TMEM132C: variants seen among roughly 807,000 people sequenced by gnomAD.
TMEM132C encodes protein phosphatase 1, regulatory subunit 152.
Under a neutral mutation model 61.4 loss-of-function variants are expected in TMEM132C, and 29 were observed. The ratio of observed to expected loss-of-function variants is 0.47; its 90% confidence interval spans 0.35 to 0.64. TMEM132C has a LOEUF of 0.64. Among genes scored for constraint, TMEM132C ranks in the 30% least tolerant of loss-of-function variants. The probability of loss-of-function intolerance (pLI) is 0.00; values close to 1 mark genes in which losing one functional copy is unlikely to be tolerated. For synonymous variants in TMEM132C, 656 were observed against 633.1 expected (o/e 1.04, Z -0.54); for missense variants, 1,408 against 1,476.9 (o/e 0.95, Z 0.76).
At chr12:128,396,859 A>G (rs1412215612) in intron 1 of TMEM132C, among the ~76,000 whole-genome samples, 1 of 152,110 alleles carries the variant, frequency 6.6e-6, no homozygotes, top group Non-Finnish European at 1.5e-5. Flanking sequence ...TCTTCACTGC[A>G]TTCTCTCCTG....
At chr12:128,346,568 T>C (rs1187386757) in intron 1 of TMEM132C, among the ~76,000 whole-genome samples, 2 of 152,254 alleles carry the variant, frequency 1.3e-5, no homozygotes, top group Non-Finnish European at 2.9e-5. Flanking sequence ...GTGTCATCTC[T>C]AATTTTTTTG....
At chr12:128,420,004 C>A (rs1292962866) in intron 2 of TMEM132C, among the ~76,000 whole-genome samples, 1 of 151,934 alleles carries the variant, frequency 6.6e-6, no homozygotes, top group Non-Finnish European at 1.5e-5. Flanking sequence ...ACCAGCCTAG[C>A]CAACGTGGTG....
chr12:128,288,752 G>A (rs1871156313), intron 1 of TMEM132C: 1 of 152,232 alleles, frequency 6.6e-6, no homozygotes, highest in African/African-American at 2.4e-5. Context: ...TCTGGCACAT[G>A]CTGTTGTACC....
At chr12:128,375,839 C>A (rs1041037740) in intron 1 of TMEM132C, among the ~76,000 whole-genome samples, 1 of 152,128 alleles carries the variant, frequency 6.6e-6, no homozygotes, top group Non-Finnish European at 1.5e-5. Flanking sequence ...GAGACGGATG[C>A]AAAGGTGATG....
At chr12:128,454,606 G>T (rs1338974930) in intron 2 of TMEM132C, among the ~76,000 whole-genome samples, 3 of 152,216 alleles carry the variant, frequency 2.0e-5, no homozygotes, top group Non-Finnish European at 1.5e-5. Flanking sequence ...GTTCGCCGGG[G>T]CTGAAGTTTC....
rs142770952 is a variant in TMEM132C, at chr12:128,645,254, C to T, written c.1306-24163C>T. Reference sequence around the variant, plus strand: ...CGGCCTCTCTCCTCCAGAGCCCTCTCTCACGGCCTTGCCACAGCCAGGGAT... The same window carrying T: ...CGGCCTCTCTCCTCCAGAGCCCTCTTTCACGGCCTTGCCACAGCCAGGGAT... On this transcript the variant is annotated intron_variant, in intron 4 of 8. Coordinates refer to ENST00000435159, the MANE Select transcript of TMEM132C (RefSeq NM_001136103.3). Among the ~76,000 whole-genome samples the T allele has an allele frequency of 3.2e-3, 494 of 152,308 alleles. 1 individual carries two copies. The highest frequency in any genetic ancestry group is 5.6e-3 in the Admixed American group (86 of 15,304).
At chr12:128,493,532 G>C (rs181880077) in intron 2 of TMEM132C, among the ~76,000 whole-genome samples, 1,766 of 152,262 alleles carry the variant, frequency 0.012, 26 homozygotes, top group African/African-American at 0.04. Context: ...TCATTGAGCA[G>C]TGGTTTGTAG....
At position 128,707,208 on chromosome 12, in the gene TMEM132C, C is replaced by T. The variant is rs10847670; in HGVS notation, c.*913C>T. ...GTGGCCCTGTGAGGGGCTGTACAGA[C>T]GGGATGTGGCCAGGAGAACAGAGCC... is the stretch of plus-strand genomic sequence containing the variant. On this transcript the variant is annotated 3_prime_UTR_variant, in exon 9 of 9. Transcript: ENST00000435159. 0.11 allele frequency: 16,599 copies of T among 152,124 alleles called. 1,258 individuals are homozygous for T. Among genetic ancestry groups the T allele is most frequent in the East Asian group, 0.33 (1,708 of 5,134 alleles). 9.4% of individuals were successfully genotyped at this position (152,124 alleles called of 1,614,324 possible).
intron 3 of TMEM132C, among the ~76,000 whole-genome samples, chr12:128,572,614 A>G (rs1874933132): frequency 6.7e-6 from 1 of 149,470 alleles, no homozygotes; most frequent in African/African-American, 2.5e-5. Context: ...GACCTGGGTC[A>G]CATGACAAGT....
chr12:128,487,491 T>A (rs1871540124), intron 2 of TMEM132C, among the ~76,000 whole-genome samples: 1 of 151,950 alleles, frequency 6.6e-6, no homozygotes, highest in African/African-American at 2.4e-5. Context: ...TGTGTGTGTG[T>A]GTATGCCTGC....
intron 5 of TMEM132C, among the ~76,000 whole-genome samples, chr12:128,676,525 C>T (rs777586693): frequency 1.3e-5 from 2 of 152,186 alleles, no homozygotes; most frequent in Non-Finnish European, 2.9e-5. Flanking sequence ...ACTCCCATCA[C>T]CCTTAGAGAA....
At chr12:128,626,078 T>C (rs1954012481) in intron 4 of TMEM132C, among the ~76,000 whole-genome samples, 3 of 152,056 alleles carry the variant, frequency 2.0e-5, no homozygotes, top group Admixed American at 1.3e-4. Context: ...ACACATGTAC[T>C]ACAGTACCTG....
At chr12:128,286,951 G>A (rs1400917842) in intron 1 of TMEM132C, among the ~76,000 whole-genome samples, 2 of 152,190 alleles carry the variant, frequency 1.3e-5, no homozygotes, top group Non-Finnish European at 2.9e-5. Flanking sequence ...GAAAGAAGAC[G>A]AAGAAAAACT....
intron 1 of TMEM132C, among the ~76,000 whole-genome samples, chr12:128,339,708 CA>C (rs1339128534): frequency 6.6e-6 from 1 of 151,594 alleles, no homozygotes; most frequent in Admixed American, 6.6e-5. Context: ...GGCAGCAGTG[CA>C]GCCTGCAGCT....
chr12:128,415,563 T>C lies in TMEM132C; in HGVS notation c.917T>C (p.Val306Ala). 1 of 1,548,204 alleles carries C rather than the reference T, an allele frequency of 6.5e-7. No individual in the cohort carries two copies. Among genetic ancestry groups the C allele is most frequent in the East Asian group, 2.4e-5 (1 of 40,844 alleles). Residue 306 changes from valine to alanine, a missense_variant, in exon 2 of 9, where the codon GTG (valine) becomes GCG (alanine). Coordinates refer to ENST00000435159, the MANE Select transcript of TMEM132C (RefSeq NM_001136103.3). This position sits in a 1 kb window ranked among gnomAD's most constrained non-coding sequence, Gnocchi z 5.8. ...LPSRPVKQGE[V>A]VTAYVTISSN... The stretch of plus-strand genomic sequence containing the variant: ...TCCAGGCCAGTCAAGCAGGGAGAGG[T>C]GGTCACGGCCTATGTCACCATCTCG...
intron 2 of TMEM132C, among the ~76,000 whole-genome samples, chr12:128,467,617 GT>G: frequency 6.6e-6 from 1 of 152,270 alleles, no homozygotes; most frequent in African/African-American, 2.4e-5. Flanking sequence ...CAGGGGTCAG[GT>G]CCAGATTTTG....
chr12:128,562,326 C>T (rs1874552388), intron 3 of TMEM132C, among the ~76,000 whole-genome samples: 1 of 152,200 alleles, frequency 6.6e-6, no homozygotes, highest in African/African-American at 2.4e-5. Context: ...TAAATTGGCC[C>T]TTCAGACCTC....
At chr12:128,317,341 T>A (rs948733238) in intron 1 of TMEM132C, among the ~76,000 whole-genome samples, 6 of 152,230 alleles carry the variant, frequency 3.9e-5, no homozygotes, top group Non-Finnish European at 7.3e-5. Context: ...GTTTATCTGT[T>A]CAAGCCAGAA....
rs80330135 is a variant in TMEM132C, at chr12:128,377,900, A to T, written c.86-36832A>T. 8.8e-4 allele frequency among the ~76,000 whole-genome samples: 134 copies of T among 152,026 alleles called. 3 individuals are homozygous for T. The East Asian group carries it at 0.024, about 27-fold the overall frequency. On this transcript the variant is annotated intron_variant, in intron 1 of 8. Coordinates refer to ENST00000435159, the MANE Select transcript of TMEM132C (RefSeq NM_001136103.3). ...CCAGGGCTGGCCGAGTTTTGAGGGG[A>T]ACTGCAGGTTCTGATGTTTCCAACT...
Sources: gnomAD v4.1 joint callset for allele counts (sites outside exome capture counted in the v4.1 genomes callset) on GRCh38, gnomAD v4.1.1 for gene constraint, Gnocchi (gnomAD v3.1) non-coding constraint, MANE v1.5 for transcripts, NCBI Gene and HGNC (gene_info 2026-07-23, HGNC 2026-07-21) for gene names.